SLCO3A1: variants seen among roughly 807,000 people sequenced by gnomAD.
SLCO3A1 encodes PGE1 transporter.
In SLCO3A1, 27 loss-of-function variants were observed where a neutral mutation model predicts 63.1. That is an observed-to-expected ratio of 0.43 (90% CI 0.32 to 0.59). The LOEUF is 0.59. Ranked by LOEUF, SLCO3A1 falls within the 20% of genes least tolerant of loss-of-function variation. The pLI is 0.09. For missense variants in SLCO3A1, 773 were observed against 945.8 expected (o/e 0.82, Z 2.40); for synonymous variants, 473 against 409.9 (o/e 1.15, Z -1.86).
At chr15:91,893,431 G>A (rs990845253) in intron 1 of SLCO3A1, among the ~76,000 whole-genome samples, 2 of 152,168 alleles carry the variant, frequency 1.3e-5, no homozygotes, top group Non-Finnish European at 2.9e-5. Context: ...TGGCTGATCT[G>A]GTATCTGGTA....
intron 1 of SLCO3A1, among the ~76,000 whole-genome samples, chr15:91,911,588 A>G (rs1567181556): frequency 6.6e-6 from 1 of 152,178 alleles, no homozygotes. Context: ...ACGCATATCT[A>G]TATCTATCTA....
chr15:91,866,802 C>T (rs754975670), intron 1 of SLCO3A1, among the ~76,000 whole-genome samples: 6 of 151,902 alleles, frequency 3.9e-5, no homozygotes, highest in Non-Finnish European at 8.8e-5. Flanking sequence ...GCAGCCAAGC[C>T]CTCTGGAAGC....
chr15:92,134,462 T>C (rs1245207983), intron 7 of SLCO3A1, among the ~76,000 whole-genome samples: 5 of 152,214 alleles, frequency 3.3e-5, no homozygotes, highest in Non-Finnish European at 7.3e-5. Flanking sequence ...AATAGAGGTA[T>C]GTCCAAGGGA....
At chr15:91,906,496 G>C (rs573751183) in intron 1 of SLCO3A1, among the ~76,000 whole-genome samples, 1 of 152,168 alleles carries the variant, frequency 6.6e-6, no homozygotes, top group Admixed American at 6.5e-5. Flanking sequence ...ACAGGAAGCC[G>C]GGGCCCTAGG....
chr15:91,947,255 C>T (rs1196916650), intron 2 of SLCO3A1, among the ~76,000 whole-genome samples: 2 of 152,130 alleles, frequency 1.3e-5, no homozygotes, highest in African/African-American at 4.8e-5. Flanking sequence ...CCGTCTTTTC[C>T]GAGGCTCTGT....
At chr15:91,919,307 A>T (rs977024317) in intron 2 of SLCO3A1, among the ~76,000 whole-genome samples, 2 of 152,208 alleles carry the variant, frequency 1.3e-5, no homozygotes, top group African/African-American at 4.8e-5. Context: ...TGGATGGGCT[A>T]TTCACAAGGG....
At chr15:92,090,940 A>G (rs957719563) in intron 2 of SLCO3A1, among the ~76,000 whole-genome samples, 1 of 152,180 alleles carries the variant, frequency 6.6e-6, no homozygotes, top group African/African-American at 2.4e-5. Flanking sequence ...AAGCTGAGGC[A>G]TGGGAGGTTA....
intron 2 of SLCO3A1, among the ~76,000 whole-genome samples, chr15:92,061,574 A>G (rs906252912): frequency 4.6e-5 from 7 of 152,246 alleles, no homozygotes; most frequent in Non-Finnish European, 1.0e-4. Flanking sequence ...TCTAAAACCC[A>G]AAGAGCTAAT....
chr15:91,982,599 C>T (rs569264272), intron 2 of SLCO3A1, among the ~76,000 whole-genome samples: 4 of 152,220 alleles, frequency 2.6e-5, no homozygotes, highest in Non-Finnish European at 5.9e-5. Context: ...AAGTTCTGTG[C>T]CCTTGCCACG....
intron 7 of SLCO3A1, among the ~76,000 whole-genome samples, chr15:92,141,461 T>C (rs943074179): frequency 2.0e-5 from 3 of 152,194 alleles, no homozygotes; most frequent in Admixed American, 2.0e-4. Flanking sequence ...AACTATGCTA[T>C]TGGGGTTTGG....
intron 4 of SLCO3A1, among the ~76,000 whole-genome samples, chr15:92,118,868 C>A (rs551769628): frequency 6.6e-6 from 1 of 152,214 alleles, no homozygotes; most frequent in Admixed American, 6.5e-5. Context: ...ACTTCCCTAA[C>A]TTTAGTCTAG....
chr15:92,027,944 G>T, intron 2 of SLCO3A1, among the ~76,000 whole-genome samples: 1 of 152,230 alleles, frequency 6.6e-6, no homozygotes, highest in Non-Finnish European at 1.5e-5. Context: ...AGACAAGGAT[G>T]TGGGCAGTTA....
chr15:92,155,542 TG>T (rs752392074), intron 9 of SLCO3A1, among the ~76,000 whole-genome samples: 3 of 151,978 alleles, frequency 2.0e-5, no homozygotes, highest in Non-Finnish European at 2.9e-5. Flanking sequence ...GGGTTTCAGA[TG>T]GGAGAGTGAA....
chr15:92,133,269 T>C (rs1049277413), intron 7 of SLCO3A1, among the ~76,000 whole-genome samples: 1 of 146,628 alleles, frequency 6.8e-6, no homozygotes, highest in Admixed American at 6.8e-5. Flanking sequence ...GCATGTTCTA[T>C]AAATTGTGTC....
chr15:91,928,260 G>T lies in SLCO3A1; in HGVS notation c.646+11802G>T, dbSNP rs376234024. ...GAATACACTAGCTCCCATTTATGGG[G>T]TCGCAGCTGTTATGACATACAGACA... On this transcript the variant is annotated intron_variant, in intron 2 of 9. Transcript: ENST00000318445. Among the ~76,000 whole-genome samples the T allele has an allele frequency of 3.3e-5, 5 of 152,340 alleles. No individual in the cohort carries two copies. In the East Asian group the frequency reaches 7.7e-4, roughly 24 times the overall value.
chr15:92,086,282 C>T (rs2047403085), intron 2 of SLCO3A1, among the ~76,000 whole-genome samples: 1 of 152,190 alleles, frequency 6.6e-6, no homozygotes, highest in African/African-American at 2.4e-5. Flanking sequence ...CTTGCCAACA[C>T]TTGGTAGTGT....
rs75544547 is a variant in SLCO3A1 at position 91,897,030 on chromosome 15, A to G, written c.181-18963A>G. The stretch of plus-strand genomic sequence containing the variant: ...TTAGGAACGATATGTCACTTTTGTG[A>G]TCTTTAGTTGCCTCTAGAAAATGGA... On this transcript the variant is annotated intron_variant, in intron 1 of 9. Transcript: ENST00000318445. This position sits in a 1 kb window ranked among gnomAD's most constrained non-coding sequence, Gnocchi z 4.7. 0.012 allele frequency among the ~76,000 whole-genome samples: 1,893 copies of G among 152,226 alleles called. 41 individuals are homozygous for G. Among genetic ancestry groups the G allele is most frequent in the African/African-American group, 0.044 (1,822 of 41,508 alleles).
At chr15:92,019,248 C>G (rs1485650366) in intron 2 of SLCO3A1, among the ~76,000 whole-genome samples, 2 of 152,248 alleles carry the variant, frequency 1.3e-5, no homozygotes, top group South Asian at 4.1e-4. Flanking sequence ...CACTTACCAG[C>G]TCTGTGACCC....
chr15:91,885,496 C>T lies in SLCO3A1; in HGVS notation c.181-30497C>T, dbSNP rs1005062181. On this transcript the variant is annotated intron_variant, in intron 1 of 9. Transcript: ENST00000318445. The surrounding 1 kb of genome is among the most constrained non-coding windows in gnomAD (Gnocchi z 4.7). ...AAACTCCAGCATGTCACAAATCATA[C>T]ATTACAGGAAAAGGGAGCCCTTTGC... Among the ~76,000 whole-genome samples, 4 of 152,246 alleles carry T rather than the reference C, an allele frequency of 2.6e-5. No individual in the cohort carries two copies. Among genetic ancestry groups the T allele is most frequent in the African/African-American group, 7.2e-5 (3 of 41,462 alleles).
Sources: gnomAD v4.1 joint callset for allele counts (sites outside exome capture counted in the v4.1 genomes callset) on GRCh38, gnomAD v4.1.1 for gene constraint, Gnocchi (gnomAD v3.1) non-coding constraint, MANE v1.5 for transcripts, NCBI Gene and HGNC (gene_info 2026-07-23, HGNC 2026-07-21) for gene names.